TMC1: variants seen among roughly 807,000 people sequenced by gnomAD.
The protein encoded by TMC1 is transmembrane channel-like protein 1.
Under a neutral mutation model 105.8 loss-of-function variants are expected in TMC1, and 84 were observed. The ratio of observed to expected loss-of-function variants is 0.79; its 90% CI spans 0.67 to 0.95. The LOEUF is 0.95. Ranked by LOEUF, TMC1 falls within the 40% of genes least tolerant of loss-of-function variation. TMC1 has a pLI of 0.00. For missense variants in TMC1, 817 were observed against 914.1 expected (o/e 0.89, Z 1.37); for synonymous variants, 315 against 311.5 (o/e 1.01, Z -0.12).
intron 1 of TMC1, among the ~76,000 whole-genome samples, chr9:72,545,419 A>G (rs888487204): frequency 1.3e-5 from 2 of 152,092 alleles, no homozygotes; most frequent in African/African-American, 2.4e-5. Flanking sequence ...ACTTTGGCAA[A>G]CTGGTCAATG....
At chr9:72,801,526 A>G (rs1828472134) in intron 17 of TMC1, among the ~76,000 whole-genome samples, 1 of 152,194 alleles carries the variant, frequency 6.6e-6, no homozygotes, top group Non-Finnish European at 1.5e-5. Flanking sequence ...TAGCATCAAC[A>G]CACACTCCCC....
chr9:72,544,530 A>G (rs150800341), intron 1 of TMC1, among the ~76,000 whole-genome samples: 1 of 131,730 alleles, frequency 7.6e-6, no homozygotes, highest in Non-Finnish European at 1.5e-5. Flanking sequence ...TCCAGGCTGG[A>G]GTGCAGTGGT....
chr9:72,602,063 A>C (rs1824825021), intron 2 of TMC1, among the ~76,000 whole-genome samples: 1 of 152,186 alleles, frequency 6.6e-6, no homozygotes. Flanking sequence ...ACGTGAGGTC[A>C]GGTGTGGAAT....
intron 5 of TMC1, among the ~76,000 whole-genome samples, chr9:72,653,385 G>T (rs1275249146): frequency 1.3e-5 from 2 of 152,110 alleles, no homozygotes; most frequent in Non-Finnish European, 2.9e-5. Context: ...CACTCCTTGG[G>T]TTTGAAATGT....
intron 5 of TMC1, among the ~76,000 whole-genome samples, chr9:72,654,508 C>A (rs1007722634): frequency 1.3e-5 from 2 of 151,552 alleles, no homozygotes; most frequent in South Asian, 4.2e-4. Flanking sequence ...TGTTGTTGTT[C>A]CATTTTAGTG....
At chr9:72,579,056 T>C (rs1441217719) in intron 2 of TMC1, among the ~76,000 whole-genome samples, 1 of 152,246 alleles carries the variant, frequency 6.6e-6, no homozygotes, top group Non-Finnish European at 1.5e-5. Flanking sequence ...TATGCTATCT[T>C]GTCTACTTTG....
intron 1 of TMC1, among the ~76,000 whole-genome samples, chr9:72,556,794 C>T (rs1358530097): frequency 1.3e-5 from 2 of 151,964 alleles, no homozygotes; most frequent in Non-Finnish European, 2.9e-5. Flanking sequence ...GCACTCTAGC[C>T]TGGGAGATAG....
At chr9:72,589,317 C>T (rs1160770911) in intron 2 of TMC1, among the ~76,000 whole-genome samples, 1 of 152,182 alleles carries the variant, frequency 6.6e-6, no homozygotes, top group Non-Finnish European at 1.5e-5. Flanking sequence ...CTATTAAATA[C>T]ATTGTGTTTC....
chr9:72,610,666 A>G (rs1201683731), intron 2 of TMC1, among the ~76,000 whole-genome samples: 1 of 152,180 alleles, frequency 6.6e-6, no homozygotes, highest in Non-Finnish European at 1.5e-5. Flanking sequence ...TCATCCAGAA[A>G]CACCCTCACA....
chr9:72,602,217 T>C (rs564519702), intron 2 of TMC1, among the ~76,000 whole-genome samples: 15 of 152,104 alleles, frequency 9.9e-5, no homozygotes, highest in African/African-American at 3.4e-4. Flanking sequence ...AGGACACAGG[T>C]GGTTTTAGTA....
At chr9:72,753,750 CTA>C (rs1301989883) in intron 11 of TMC1, among the ~76,000 whole-genome samples, 2 of 152,198 alleles carry the variant, frequency 1.3e-5, no homozygotes, top group African/African-American at 4.8e-5. Context: ...TCAGCTGCCT[CTA>C]CCCGACGGGC....
chr9:72,707,908 C>A (rs1002120792), intron 8 of TMC1, among the ~76,000 whole-genome samples: 2 of 152,100 alleles, frequency 1.3e-5, no homozygotes, highest in Admixed American at 1.3e-4. Context: ...AGATTTAAGT[C>A]CTTGATCCAT....
At chr9:72,733,258 C>G (rs1328717821) in intron 8 of TMC1, among the ~76,000 whole-genome samples, 1 of 151,808 alleles carries the variant, frequency 6.6e-6, no homozygotes, top group East Asian at 2.0e-4. Flanking sequence ...TCTACAGCAG[C>G]ACAGCATGGC....
intron 8 of TMC1, among the ~76,000 whole-genome samples, chr9:72,739,284 A>G (rs561440134): frequency 2.4e-4 from 37 of 152,258 alleles, no homozygotes; most frequent in East Asian, 1.9e-3. Context: ...TTCTACCCCC[A>G]TGGCCAATTA....
chr9:72,757,985 C>T (rs563925248), intron 12 of TMC1, among the ~76,000 whole-genome samples: 1 of 152,152 alleles, frequency 6.6e-6, no homozygotes, highest in South Asian at 2.1e-4. Flanking sequence ...TAAAAGTATT[C>T]TGACCTTAAT....
intron 1 of TMC1, among the ~76,000 whole-genome samples, chr9:72,573,891 G>C (rs1466562196): frequency 2.0e-5 from 3 of 152,038 alleles, no homozygotes; most frequent in African/African-American, 7.2e-5. Flanking sequence ...CATCACCCAG[G>C]GATTAAGCTC....
intron 4 of TMC1, among the ~76,000 whole-genome samples, chr9:72,647,141 CAA>C (rs1196322492): frequency 1.6e-4 from 9 of 55,962 alleles, no homozygotes; most frequent in South Asian, 6.0e-4. Context: ...GACTCCATCT[CAA>C]AAAAAAAAAA....
chr9:72,783,550 G>T (rs1040262747), intron 13 of TMC1, among the ~76,000 whole-genome samples: 1 of 151,992 alleles, frequency 6.6e-6, no homozygotes, highest in Non-Finnish European at 1.5e-5. Flanking sequence ...CCACATTAAG[G>T]GTGGGTCTTC....
intron 5 of TMC1, among the ~76,000 whole-genome samples, chr9:72,664,557 A>T (rs1826013334): frequency 6.6e-6 from 1 of 152,190 alleles, no homozygotes; most frequent in African/African-American, 2.4e-5. Flanking sequence ...AGAAGAGCAG[A>T]GGAGCAGAAG....
Sources: allele counts gnomAD v4.1 joint callset (sites outside exome capture counted in the v4.1 genomes callset), GRCh38; gene constraint gnomAD v4.1.1; transcripts MANE v1.5; gene names NCBI Gene and HGNC (gene_info 2026-07-23, HGNC 2026-07-21).